Variants in SEMA5B observed in about 807,000 individuals in gnomAD.
The protein encoded by SEMA5B is semaphorin 5B.
A neutral mutation model predicts 135.0 loss-of-function variants in SEMA5B; 66 were observed. That is an observed-to-expected ratio of 0.49 (90% CI 0.40 to 0.60). The LOEUF (loss-of-function observed/expected upper bound fraction) is 0.60, where lower values mean the gene tolerates loss of function less well. Ranked by LOEUF, SEMA5B falls within the 20% of genes least tolerant of loss-of-function variation. SEMA5B has a pLI of 0.00. For synonymous variants in SEMA5B, 690 were observed against 639.5 expected (o/e 1.08, Z -1.19); for missense variants, 1,501 against 1,566.3 (o/e 0.96, Z 0.70).
At chr3:123,020,968 C>T (rs1244912715) in intron 1 of SEMA5B, among the ~76,000 whole-genome samples, 1 of 152,230 alleles carries the variant, frequency 6.6e-6, no homozygotes, top group Non-Finnish European at 1.5e-5. Context: ...GGAGCATGTG[C>T]CCCAAGGCAC....
chr3:122,914,244 A>G (rs1937944230), intron 14 of SEMA5B, among the ~76,000 whole-genome samples: 1 of 152,186 alleles, frequency 6.6e-6, no homozygotes, highest in Admixed American at 6.5e-5. Context: ...AGGACTAAGG[A>G]CGTAGAGGTA....
At chr3:123,018,931 G>A (rs1942618112) in intron 1 of SEMA5B, among the ~76,000 whole-genome samples, 1 of 152,186 alleles carries the variant, frequency 6.6e-6, no homozygotes, top group Non-Finnish European at 1.5e-5. Flanking sequence ...TGGTCAGTGA[G>A]GAGCAAGAAA....
intron 1 of SEMA5B, among the ~76,000 whole-genome samples, chr3:123,006,350 C>G (rs902720323): frequency 6.6e-6 from 1 of 152,184 alleles, no homozygotes; most frequent in Non-Finnish European, 1.5e-5. Context: ...CACCCTCAGT[C>G]TCCAGGAACT....
At position 122,928,576 on chromosome 3, in the gene SEMA5B, C is replaced by T. The variant is rs765727040; in HGVS notation, c.577G>A (p.Gly193Ser). 4.5e-6 allele frequency: 7 copies of T among 1,563,658 alleles called. No homozygotes were observed. The highest frequency in any genetic ancestry group is 3.5e-5 in the South Asian group (3 of 84,742). Reference protein sequence around the residue: ...QNYVRVLIVAGRKVFMCGTNA... With the variant: ...QNYVRVLIVASRKVFMCGTNA... ...GTTCCACACATGAACACCTTCCGGC[C>T]GGCGACGATCAGGACTCGCACGTAG... Residue 193 changes from glycine to serine, a missense_variant, in exon 7 of 23, where the codon GGC (glycine) becomes AGC (serine). Transcript: ENST00000357599.
intron 1 of SEMA5B, among the ~76,000 whole-genome samples, chr3:122,992,196 G>T (rs1464660561): frequency 1.3e-5 from 2 of 152,186 alleles, no homozygotes; most frequent in Non-Finnish European, 2.9e-5. Flanking sequence ...AAGAAAAAAA[G>T]AGTTCCCGTG....
Position 122,978,842 on chromosome 3 carries a change from C to T in SEMA5B, c.-38-17541G>A, listed in dbSNP as rs549594567. On this transcript the variant is annotated intron_variant, in intron 1 of 22. Coordinates refer to ENST00000357599, the MANE Select transcript of SEMA5B (RefSeq NM_001031702.4). ...AGAGGAGAGGAGGCTAGTGCTGCCACTATTCCAGGCCCCTTTTACACCTGT... is the reference window on the plus strand; with the variant it reads ...AGAGGAGAGGAGGCTAGTGCTGCCATTATTCCAGGCCCCTTTTACACCTGT... 2.7e-3 allele frequency among the ~76,000 whole-genome samples: 410 copies of T among 152,304 alleles called. 2 individuals carry two copies. The highest frequency in any genetic ancestry group is 9.1e-3 in the African/African-American group (380 of 41,572).
chr3:122,929,881 C>T (rs1938870487), intron 5 of SEMA5B, among the ~76,000 whole-genome samples: 2 of 152,224 alleles, frequency 1.3e-5, no homozygotes, highest in South Asian at 4.1e-4. Context: ...AGGATCTCTT[C>T]TTCCCCTTCA....
intron 1 of SEMA5B, among the ~76,000 whole-genome samples, chr3:123,017,763 C>T (rs1229362850): frequency 2.0e-5 from 3 of 152,014 alleles, no homozygotes; most frequent in Non-Finnish European, 4.4e-5. Context: ...CAAAAATTAG[C>T]CAGATGCAGT....
chr3:122,955,549 C>A (rs569407686), intron 2 of SEMA5B, among the ~76,000 whole-genome samples: 1 of 152,178 alleles, frequency 6.6e-6, no homozygotes, highest in Non-Finnish European at 1.5e-5. Flanking sequence ...ATTTCTAACA[C>A]GTCTGTCTGA....
chr3:122,989,168 G>T (rs895453859), intron 1 of SEMA5B, among the ~76,000 whole-genome samples: 1 of 152,210 alleles, frequency 6.6e-6, no homozygotes, highest in Non-Finnish European at 1.5e-5. Flanking sequence ...CTGGGAGACT[G>T]GTCTTGGAAT....
At chr3:123,013,902 C>T (rs546521283) in intron 1 of SEMA5B, among the ~76,000 whole-genome samples, 4 of 152,366 alleles carry the variant, frequency 2.6e-5, no homozygotes, top group Admixed American at 1.3e-4. Flanking sequence ...TTCTCTGGCT[C>T]ATCCTACAGC....
Position 122,912,356 on chromosome 3 carries a change from G to T in SEMA5B, c.2726-14C>A, listed in dbSNP as rs1287998555. On this transcript the variant is annotated splice_polypyrimidine_tract_variant and intron_variant, in intron 18 of 22. Coordinates refer to ENST00000357599, the MANE Select transcript of SEMA5B (RefSeq NM_001031702.4). ...AAGCACCCCGAACTGCAAGGGGACG[G>T]GGTGTGTGAGGGGCTGTAGGGGCAG... is the stretch of plus-strand genomic sequence containing the variant. 1.9e-6 allele frequency: 3 copies of T among 1,565,712 alleles called. No homozygotes were observed. The highest frequency in any genetic ancestry group is 1.7e-6 in the Non-Finnish European group (2 of 1,155,434).
At chr3:123,027,151 G>T (rs1183820969) in intron 1 of SEMA5B, 1 of 153,474 alleles carries the variant, frequency 6.5e-6, no homozygotes, top group African/African-American at 2.4e-5. Context: ...CCAGGCCTGG[G>T]TCCCGGGTCC....
At chr3:123,001,560 G>A (rs548766681) in intron 1 of SEMA5B, among the ~76,000 whole-genome samples, 7 of 152,078 alleles carry the variant, frequency 4.6e-5, no homozygotes, top group Non-Finnish European at 1.0e-4. Flanking sequence ...AATTCCCAGT[G>A]ACCAAAAATC....
intron 1 of SEMA5B, among the ~76,000 whole-genome samples, chr3:123,018,587 C>A (rs555083905): frequency 2.0e-4 from 30 of 152,328 alleles, no homozygotes; most frequent in Non-Finnish European, 4.0e-4. Flanking sequence ...TCTCTTAGCT[C>A]CATTTAAGAT....
At chr3:122,963,504 A>G (rs1443891494) in intron 1 of SEMA5B, among the ~76,000 whole-genome samples, 1 of 129,550 alleles carries the variant, frequency 7.7e-6, no homozygotes, top group Non-Finnish European at 1.7e-5. Context: ...AAAAAAAAAA[A>G]GAAAAAGAAA....
chr3:123,017,634 G>A (rs568255601), intron 1 of SEMA5B, among the ~76,000 whole-genome samples: 3 of 152,348 alleles, frequency 2.0e-5, no homozygotes, highest in Non-Finnish European at 2.9e-5. Context: ...TTGGCCAGGC[G>A]CAGTGGCTCA....
chr3:123,008,076 G>A (rs1417386483), intron 1 of SEMA5B, among the ~76,000 whole-genome samples: 1 of 152,252 alleles, frequency 6.6e-6, no homozygotes, highest in Non-Finnish European at 1.5e-5. Flanking sequence ...AACGGGGTTT[G>A]CATGATCGGC....
At chr3:122,944,957 A>C (rs763217652) in intron 3 of SEMA5B, among the ~76,000 whole-genome samples, 4 of 152,108 alleles carry the variant, frequency 2.6e-5, no homozygotes, top group Non-Finnish European at 5.9e-5. Context: ...GTGCCTTAGC[A>C]ACTGACTCAC....
Sources: allele counts gnomAD v4.1 joint callset (sites outside exome capture counted in the v4.1 genomes callset), GRCh38; gene constraint gnomAD v4.1.1; transcripts MANE v1.5; gene names NCBI Gene and HGNC (gene_info 2026-07-23, HGNC 2026-07-21).